The following PCDHAC2 variants were observed in gnomAD, a reference collection of about 807,000 sequenced individuals.
PCDHAC2 encodes the protein protocadherin alpha subfamily C, 2.
In PCDHAC2, 24 loss-of-function variants were observed where a neutral mutation model predicts 63.3. That is an observed-to-expected ratio of 0.38 (90% CI 0.27 to 0.53). The LOEUF (loss-of-function observed/expected upper bound fraction) is 0.53, where lower values mean the gene tolerates loss of function less well. Ranked by LOEUF, PCDHAC2 falls within the 20% of genes least tolerant of loss-of-function variation. The pLI is 0.81. For missense variants in PCDHAC2, 1,181 were observed against 1,275.2 expected (o/e 0.93, Z 1.12); for synonymous variants, 569 against 529.4 (o/e 1.07, Z -1.03).
chr5:140,971,123 G>A (rs1305525231), intron 1 of PCDHAC2, among the ~76,000 whole-genome samples: 1 of 152,182 alleles, frequency 6.6e-6, no homozygotes, highest in Non-Finnish European at 1.5e-5. Context: ...GTGGGCTACA[G>A]GTGGTGAAGA....
At position 140,969,200 on chromosome 5, in the gene PCDHAC2, G is replaced by A; in HGVS notation, c.2434G>A (p.Gly812Arg). 4 of 1,614,132 alleles carry A rather than the reference G, an allele frequency of 2.5e-6. No individual in the cohort carries two copies. The highest frequency in any genetic ancestry group is 3.4e-6 in the Non-Finnish European group (4 of 1,180,024). ...TGACACTTTCATGTTTTACAATACA[G>A]GGGCCCAGACAGGACCAGGGCCTTC... is the stretch of plus-strand genomic sequence containing the variant. ...GSDTFMFYNT[G>R]AQTGPGPSGA... The change falls in exon 1 of 4, where the codon GGG (glycine) becomes AGG (arginine). Residue 812 changes from glycine (G) to arginine (R), a missense_variant. Transcript: ENST00000289269.
chr5:140,988,694 C>T (rs1328459106), intron 3 of PCDHAC2, among the ~76,000 whole-genome samples: 1 of 152,180 alleles, frequency 6.6e-6, no homozygotes, highest in Non-Finnish European at 1.5e-5. Flanking sequence ...CCTAGACGCT[C>T]TGTATTTTCT....
At position 141,009,757 on chromosome 5, in the gene PCDHAC2, A is replaced by G; in HGVS notation, c.2844A>G (p.Pro948=). 6.2e-7 allele frequency: 1 copy of G among 1,614,200 alleles called. No individual in the cohort carries two copies. Among genetic ancestry groups the G allele is most frequent in the Non-Finnish European group, 8.5e-7 (1 of 1,180,036 alleles). Residue 948 remains proline (P), a synonymous_variant, in exon 4 of 4, where the codon CCA becomes CCG. Coordinates refer to ENST00000289269, the MANE Select transcript of PCDHAC2 (RefSeq NM_018899.6). ...AGTTGCCCGACAAATTCATTATCCCAGGATCTCCTGCAATCATCTCCATCC... is the reference window on the plus strand; with the variant it reads ...AGTTGCCCGACAAATTCATTATCCCGGGATCTCCTGCAATCATCTCCATCC... ...PGELPDKFII[P]GSPAIISIRQ... is the part of the protein sequence containing the mutation.
In PCDHAC2 at chr5:140,967,658, A is replaced by C. The variant is rs1554229743; in HGVS notation, c.892A>C (p.Ser298Arg). ...TGGTGAGCTCAGGTACTCCTTGAGC[A>C]GCTACACGTCGGACCGGGAGAGGCA... Reference protein sequence around the residue: ...SNGELRYSLSSYTSDRERQLF... With the variant: ...SNGELRYSLSRYTSDRERQLF... The change falls in exon 1 of 4, where the codon AGC (serine) becomes CGC (arginine). Residue 298 changes from serine to arginine, a missense_variant. This residue lies in a region of PCDHAC2 where 968 missense variants were observed against 1,073.5 expected (regional missense o/e 0.90). Coordinates refer to ENST00000289269, the MANE Select transcript of PCDHAC2 (RefSeq NM_018899.6). 3 of 1,614,058 alleles carry C rather than the reference A, an allele frequency of 1.9e-6. No individual in the cohort carries two copies. The highest frequency in any genetic ancestry group is 1.7e-5 in the Admixed American group (1 of 60,008).
chr5:140,998,855 C>T (rs544471391), intron 3 of PCDHAC2, among the ~76,000 whole-genome samples: 63 of 152,320 alleles, frequency 4.1e-4, no homozygotes, highest in Admixed American at 2.1e-3. Context: ...GAGCCACATG[C>T]CTGGCCTTGT....
At chr5:140,987,292 T>G (rs2097246000) in intron 3 of PCDHAC2, among the ~76,000 whole-genome samples, 1 of 152,134 alleles carries the variant, frequency 6.6e-6, no homozygotes, top group African/African-American at 2.4e-5. Context: ...TTAACAAGCC[T>G]TCTATGTGAT....
At chr5:141,002,559 G>C (rs2098085590) in intron 3 of PCDHAC2, among the ~76,000 whole-genome samples, 2 of 152,192 alleles carry the variant, frequency 1.3e-5, no homozygotes. Context: ...GGATCCACCA[G>C]TTAGTGACCA....
chr5:140,993,509 C>CAT (rs1488940144), intron 3 of PCDHAC2, among the ~76,000 whole-genome samples: 3 of 143,600 alleles, frequency 2.1e-5, no homozygotes, highest in African/African-American at 7.8e-5. Flanking sequence ...CACACACACA[C>CAT]GGGGAGAGAG....
At chr5:140,998,122 A>G (rs2097797315) in intron 3 of PCDHAC2, among the ~76,000 whole-genome samples, 1 of 152,214 alleles carries the variant, frequency 6.6e-6, no homozygotes, top group Admixed American at 6.5e-5. Flanking sequence ...TTACTTGTGA[A>G]TCATAATAGC....
In PCDHAC2 at chr5:140,967,099, T is replaced by G; in HGVS notation, c.333T>G (p.Cys111Trp). The G allele has an allele frequency of 6.2e-7, 1 of 1,613,074 alleles. No homozygotes were observed. Among genetic ancestry groups the G allele is most frequent in the Non-Finnish European group, 8.5e-7 (1 of 1,179,574 alleles). Residue 111 changes from cysteine (C) to tryptophan (W), a missense_variant, in exon 1 of 4, where the codon TGT becomes TGG. By Grantham distance (215) the Cys-to-Trp change is radical. Coordinates refer to ENST00000289269, the MANE Select transcript of PCDHAC2 (RefSeq NM_018899.6). ...VNERIDREAL[C>W]EQRPRCLLSL... is the part of the protein sequence containing the mutation. ...AGCGCATTGATCGGGAGGCGCTGTG[T>G]GAGCAGCGGCCTCGCTGCCTGCTCA...
At chr5:140,985,619 G>A (rs961379624) in intron 3 of PCDHAC2, among the ~76,000 whole-genome samples, 1 of 152,064 alleles carries the variant, frequency 6.6e-6, no homozygotes, top group Non-Finnish European at 1.5e-5. Flanking sequence ...TGAACCAGCT[G>A]TGTATTGCTC....
intron 3 of PCDHAC2, among the ~76,000 whole-genome samples, chr5:140,985,577 G>GC (rs1195077647): frequency 6.6e-6 from 1 of 152,116 alleles, no homozygotes; most frequent in Non-Finnish European, 1.5e-5. Flanking sequence ...TGGTGCCTAA[G>GC]CCTCCTTATA....
chr5:140,970,834 T>C lies in PCDHAC2; in HGVS notation c.2565+1503T>C, dbSNP rs566411727. 8.6e-5 allele frequency among the ~76,000 whole-genome samples: 13 copies of C among 151,290 alleles called. No homozygotes were observed. The South Asian group carries it at 1.2e-3, about 14-fold the overall frequency. ...AAGTTCATGGTAATCTTGAGGAATG[T>C]AATGCACAGGCACAAAAGTTCCATT... On this transcript the variant is annotated intron_variant, in intron 1 of 3. Transcript: ENST00000289269.
chr5:141,001,269 C>A (rs536985121), intron 3 of PCDHAC2, among the ~76,000 whole-genome samples: 2 of 152,152 alleles, frequency 1.3e-5, no homozygotes, highest in East Asian at 3.9e-4. Context: ...CTCTTATGAA[C>A]TTTTTTTACG....
At position 140,966,922 on chromosome 5, in the gene PCDHAC2, G is replaced by C. The variant is rs782206344; in HGVS notation, c.156G>C (p.Gln52His). ...SQLRYSVPEE[Q>H]APGALVGNVA... ...TGCGATACTCTGTGCCAGAGGAGCAGGCACCCGGCGCGCTCGTGGGCAACG... is the reference window on the plus strand; with the variant it reads ...TGCGATACTCTGTGCCAGAGGAGCACGCACCCGGCGCGCTCGTGGGCAACG... The change falls in exon 1 of 4, where the codon CAG becomes CAC. Residue 52 changes from glutamine (Q) to histidine (H), a missense_variant. Gln to His is a conservative substitution (Grantham distance 24, BLOSUM62 0). Around this residue, in one of 3 missense-constraint regions of PCDHAC2, gnomAD observed 210 missense variants for 184.9 expected, o/e 1.14. Coordinates refer to ENST00000289269, the MANE Select transcript of PCDHAC2 (RefSeq NM_018899.6). 7 of 1,602,954 alleles carry C rather than the reference G, an allele frequency of 4.4e-6. No individual in the cohort carries two copies. The highest frequency in any genetic ancestry group is 5.9e-6 in the Non-Finnish European group (7 of 1,178,228).
Position 140,968,932 on chromosome 5 carries a change from A to C in PCDHAC2, c.2166A>C (p.Thr722=). 1 of 1,614,164 alleles carries C rather than the reference A, an allele frequency of 6.2e-7. No individual in the cohort carries two copies. Among genetic ancestry groups the C allele is most frequent in the Non-Finnish European group, 8.5e-7 (1 of 1,180,022 alleles). The change falls in exon 1 of 4, where the codon ACA becomes ACC. Residue 722 remains threonine (T), a synonymous_variant. Transcript: ENST00000289269. ...CAGTGTCTTTTATATTTCTTTTGAC[A>C]ATCATCATTTTGAGCATCATCAAGT... The part of the protein sequence containing the change: ...LSTVSFIFLL[T]IIILSIIKCY...
chr5:140,995,383 G>A (rs909887279), intron 3 of PCDHAC2, among the ~76,000 whole-genome samples: 2 of 152,158 alleles, frequency 1.3e-5, no homozygotes, highest in African/African-American at 4.8e-5. Flanking sequence ...TACTGGGCAG[G>A]ATAAAGCGGG....
chr5:141,010,377 G>A lies in PCDHAC2; in HGVS notation c.*440G>A. 1 of 1,444,554 alleles carries A rather than the reference G, an allele frequency of 6.9e-7. No individual in the cohort carries two copies. The highest frequency in any genetic ancestry group is 1.4e-5 in the South Asian group (1 of 71,996). The allele number at this position is 1,444,554 out of a possible 1,614,324, so 89.5% of individuals were successfully genotyped here. ...GGCTACCGCGGGTATGCGAGTGCCA[G>A]ATATTGGCTGAGACGAGCCAGCTTA... On this transcript the variant is annotated 3_prime_UTR_variant, in exon 4 of 4. Transcript: ENST00000289269.
At chr5:140,992,017 C>CTGTGTGTGTGTGTG (rs10602499) in intron 3 of PCDHAC2, among the ~76,000 whole-genome samples, 1 of 145,628 alleles carries the variant, frequency 6.9e-6, no homozygotes, top group African/African-American at 2.5e-5. Flanking sequence ...AGAGGTGGCT[C>CTGTGTGTGTGTGTG]TGTGTGTGTG....
Sources: gnomAD v4.1 joint callset for allele counts (sites outside exome capture counted in the v4.1 genomes callset) on GRCh38, gnomAD v4.1.1 for gene constraint, gnomAD v4.1.1 regional missense constraint, MANE v1.5 for transcripts, NCBI Gene and HGNC (gene_info 2026-07-23, HGNC 2026-07-21) for gene names.